Variants in AEBP2 observed in about 807,000 individuals in gnomAD.
The protein encoded by AEBP2 is zinc finger protein AEBP2.
In AEBP2, 10 loss-of-function variants were observed where a neutral mutation model predicts 50.8. The ratio of observed to expected loss-of-function variants is 0.20; its 90% confidence interval spans 0.12 to 0.33. The LOEUF is 0.33. AEBP2 is among the 10% of genes least tolerant of loss of function. The probability of loss-of-function intolerance (pLI) is 1.00; values close to 1 mark genes in which losing one functional copy is unlikely to be tolerated. For missense variants in AEBP2, 570 were observed against 688.0 expected, an observed-to-expected ratio of 0.83 and a Z score of 1.92; for synonymous variants, 296 against 261.3, an observed-to-expected ratio of 1.13 and a Z score of -1.28.
intron 1 of AEBP2, 145 bp from the exon 2 acceptor site, chr12:19,462,362 ATTG>A (rs1426942363): frequency 1.8e-5 from 12 of 650,440 alleles, no homozygotes; most frequent in South Asian, 6.9e-5. Context: ...ATTTAAAAGC[ATTG>A]TTGTTTTCTC....
In AEBP2 at chr12:19,472,661, A is replaced by G. The variant is rs138533440; in HGVS notation, c.880-587A>G. Among the ~76,000 whole-genome samples the G allele has an allele frequency of 5.3e-4, 81 of 152,278 alleles. No individual in the cohort carries two copies. In the East Asian group the frequency reaches 0.015, roughly 28 times the overall value. The stretch of plus-strand genomic sequence containing the variant: ...TCTCTATGTCATAATCGAGATAGAA[A>G]TAATTCTTCATGATTAGAACAATAT... On this transcript the variant is annotated intron_variant, in intron 2 of 7. Coordinates refer to ENST00000266508, the MANE Select transcript of AEBP2 (RefSeq NM_153207.5).
intron 3 of AEBP2, among the ~76,000 whole-genome samples, chr12:19,476,167 G>T (rs1021304862): frequency 9.9e-5 from 15 of 152,090 alleles, no homozygotes; most frequent in African/African-American, 3.6e-4. Context: ...TTTTTCCAAT[G>T]TTATCTTCCA....
intron 1 of AEBP2, among the ~76,000 whole-genome samples, chr12:19,454,527 C>T (rs1447636492): frequency 6.6e-6 from 1 of 152,146 alleles, no homozygotes; most frequent in Non-Finnish European, 1.5e-5. Context: ...ACCAGTGCAG[C>T]AGAGCCGTAG....
chr12:19,512,543 TATTAA>T, intron 6 of AEBP2, 78 bp downstream of exon 6: 1 of 949,428 alleles, frequency 1.1e-6, no homozygotes, highest in Non-Finnish European at 1.6e-6. Flanking sequence ...AAAAATTATT[TATTAA>T]ATTCAAATAA....
intron 1 of AEBP2, among the ~76,000 whole-genome samples, chr12:19,446,936 A>G (rs1191975114): frequency 6.6e-6 from 1 of 152,114 alleles, no homozygotes; most frequent in African/African-American, 2.4e-5. Flanking sequence ...AAACAAAAAA[A>G]CAAAAAAACA....
intron 1 of AEBP2, among the ~76,000 whole-genome samples, chr12:19,461,573 G>A (rs1012371757): frequency 1.1e-4 from 17 of 151,906 alleles, no homozygotes; most frequent in Non-Finnish European, 1.6e-4. Flanking sequence ...GCAATGGTGC[G>A]ATCTCGGCTC....
chr12:19,499,963 A>G (rs1294725173), intron 4 of AEBP2, 134 bp from the exon 5 acceptor site: 2 of 882,066 alleles, frequency 2.3e-6, no homozygotes, highest in Non-Finnish European at 3.4e-6. Context: ...TCTAGAGTCC[A>G]TGTTTTGTAA....
chr12:19,512,701 C>G (rs1301233966), intron 6 of AEBP2, among the ~76,000 whole-genome samples: 1 of 151,754 alleles, frequency 6.6e-6, no homozygotes, highest in Non-Finnish European at 1.5e-5. Flanking sequence ...GTGGCTCACA[C>G]CTGTAATCCC....
At chr12:19,445,222 A>G (rs192823464) in intron 1 of AEBP2, among the ~76,000 whole-genome samples, 4 of 151,586 alleles carry the variant, frequency 2.6e-5, no homozygotes, top group Non-Finnish European at 5.9e-5. Context: ...TTTTTGATAT[A>G]GGGTCTCACT....
chr12:19,510,090 TGTTTTTATTA>T (rs1164216361), intron 5 of AEBP2, among the ~76,000 whole-genome samples: 1 of 152,082 alleles, frequency 6.6e-6, no homozygotes, highest in Non-Finnish European at 1.5e-5. Context: ...ACCTATCACT[TGTTTTTATTA>T]GTGTGTGTGT....
chr12:19,496,596 T>C (rs199912746), intron 4 of AEBP2, among the ~76,000 whole-genome samples: 8 of 152,238 alleles, frequency 5.3e-5, no homozygotes, highest in African/African-American at 1.7e-4. Context: ...GTGAAAAATA[T>C]ACCTTATAAA....
Position 19,455,267 on chromosome 12 carries a change from G to T in AEBP2, c.672-7243G>T, listed in dbSNP as rs575915954. ...TCCAGCCTCCCAAGTTGCTGGGATT[G>T]TAGGCGTGAGCCACTGCGCCTGGCA... On this transcript the variant is annotated intron_variant, in intron 1 of 7. Coordinates refer to ENST00000266508, the MANE Select transcript of AEBP2 (RefSeq NM_153207.5). Among the ~76,000 whole-genome samples, 12 of 152,064 alleles carry T rather than the reference G, an allele frequency of 7.9e-5. No homozygotes were observed. In the East Asian group the frequency reaches 2.3e-3, roughly 29 times the overall value.
At chr12:19,490,640 A>G (rs992703645) in intron 3 of AEBP2, among the ~76,000 whole-genome samples, 2 of 151,844 alleles carry the variant, frequency 1.3e-5, no homozygotes, top group African/African-American at 4.8e-5. Context: ...TAATTTTTGT[A>G]TTTTTATTAG....
chr12:19,514,581 G>A (rs1004590864), intron 6 of AEBP2, 90 bp from the exon 7 acceptor site: 1 of 999,558 alleles, frequency 1.0e-6, no homozygotes, highest in South Asian at 1.6e-5. Flanking sequence ...ACTGATCAAA[G>A]TAGCAGAAAA....
intron 2 of AEBP2, among the ~76,000 whole-genome samples, chr12:19,463,012 G>C (rs1422143447): frequency 6.6e-6 from 1 of 152,180 alleles, no homozygotes; most frequent in South Asian, 2.1e-4. Flanking sequence ...GGGTTCTGAT[G>C]TTTTGAGTTG....
chr12:19,461,019 A>G (rs1948365628), intron 1 of AEBP2, among the ~76,000 whole-genome samples: 1 of 152,094 alleles, frequency 6.6e-6, no homozygotes, highest in Admixed American at 6.6e-5. Context: ...GCAATTTTAA[A>G]ATGATTCAGA....
rs1220887816 is a variant in AEBP2, at chr12:19,497,326, GTGT to G, written c.1175-2769_1175-2767del. On this transcript the variant is annotated intron_variant, in intron 4 of 7. Coordinates refer to ENST00000266508, the MANE Select transcript of AEBP2 (RefSeq NM_153207.5). ...GTTTCTATTTTTGTGGTTTCCAAAG[GTGT>G]TTTTTTTTTTTTTTTTTTTTTTTGA... Among the ~76,000 whole-genome samples the G allele has an allele frequency of 1.8e-4, 11 of 60,248 alleles. No individual in the cohort carries two copies. The East Asian group carries it at 2.1e-3, about 12-fold the overall frequency. 39.5% of individuals were successfully genotyped at this position (60,248 alleles called of 152,430 possible).
intron 1 of AEBP2, among the ~76,000 whole-genome samples, chr12:19,453,157 G>A (rs1418258613): frequency 6.6e-6 from 1 of 151,924 alleles, no homozygotes; most frequent in Non-Finnish European, 1.5e-5. Flanking sequence ...TTTTAGTAAA[G>A]ATGGAGTTTC....
chr12:19,469,565 C>T (rs1243159116), intron 2 of AEBP2, among the ~76,000 whole-genome samples: 1 of 152,190 alleles, frequency 6.6e-6, no homozygotes. Flanking sequence ...AGCAATCCTT[C>T]TACCTCTAGT....
Sources: gnomAD v4.1 joint callset for allele counts (sites outside exome capture counted in the v4.1 genomes callset) on GRCh38, gnomAD v4.1.1 for gene constraint, MANE v1.5 for transcripts, NCBI Gene and HGNC (gene_info 2026-07-23, HGNC 2026-07-21) for gene names.